Variants in CFAP20DC observed in about 807,000 individuals in gnomAD.
CFAP20DC encodes CFAP20 domain containing, also known as protein CFAP20DC.
Under a neutral mutation model 101.7 loss-of-function variants are expected in CFAP20DC, and 84 were observed. The ratio of observed to expected loss-of-function variants is 0.83; its 90% CI spans 0.69 to 0.99. CFAP20DC has a LOEUF of 0.99. Ranked by LOEUF, CFAP20DC falls within the 50% of genes least tolerant of loss-of-function variation. The pLI, the probability that CFAP20DC is intolerant of heterozygous loss-of-function variation, is 0.00. For missense variants in CFAP20DC, 1,007 were observed against 970.3 expected (o/e 1.04, Z -0.50); for synonymous variants, 359 against 351.2 (o/e 1.02, Z -0.25).
chr3:58,821,365 A>G (rs1389226487), intron 14 of CFAP20DC, among the ~76,000 whole-genome samples: 1 of 152,052 alleles, frequency 6.6e-6, no homozygotes, highest in African/African-American at 2.4e-5. Context: ...GCAACCTACA[A>G]AATGGGAGAA....
chr3:58,923,768 T>C (rs2085649368), intron 5 of CFAP20DC, among the ~76,000 whole-genome samples: 1 of 152,190 alleles, frequency 6.6e-6, no homozygotes, highest in South Asian at 2.1e-4. Context: ...GCTTATTCAA[T>C]CTGTATATTT....
chr3:58,916,580 G>A (rs1386663216), intron 5 of CFAP20DC, among the ~76,000 whole-genome samples: 1 of 152,098 alleles, frequency 6.6e-6, no homozygotes, highest in Non-Finnish European at 1.5e-5. Flanking sequence ...ATGTGTACAT[G>A]CCTACACACA....
intron 13 of CFAP20DC, among the ~76,000 whole-genome samples, chr3:58,836,344 G>C (rs2076735076): frequency 6.6e-6 from 1 of 152,132 alleles, no homozygotes; most frequent in Non-Finnish European, 1.5e-5. Context: ...ACAACAAACA[G>C]AAACAACCTT....
At chr3:59,038,332 T>C (rs572815824) in intron 4 of CFAP20DC, among the ~76,000 whole-genome samples, 78 of 152,148 alleles carry the variant, frequency 5.1e-4, no homozygotes, top group African/African-American at 1.7e-3. Context: ...GAAATATAAG[T>C]GTGGAAAACC....
intron 15 of CFAP20DC, among the ~76,000 whole-genome samples, chr3:58,774,824 TCA>T (rs2071174416): frequency 6.6e-6 from 1 of 152,228 alleles, no homozygotes; most frequent in African/African-American, 2.4e-5. Flanking sequence ...CTCTTAAAAA[TCA>T]CAGTTTTAGC....
chr3:58,834,445 C>CT (rs2076603242), intron 13 of CFAP20DC, among the ~76,000 whole-genome samples: 1 of 152,230 alleles, frequency 6.6e-6, no homozygotes, highest in South Asian at 2.1e-4. Context: ...AAGAAGAAAG[C>CT]TTTAATATGT....
intron 5 of CFAP20DC, among the ~76,000 whole-genome samples, chr3:58,922,438 G>A (rs1013617838): frequency 6.6e-6 from 1 of 152,140 alleles, no homozygotes; most frequent in African/African-American, 2.4e-5. Context: ...GCCTGGTGGG[G>A]GTGTTTGGGT....
intron 5 of CFAP20DC, among the ~76,000 whole-genome samples, chr3:58,924,204 G>A (rs1295036374): frequency 6.6e-6 from 1 of 152,004 alleles, no homozygotes; most frequent in Non-Finnish European, 1.5e-5. Context: ...GCAACCAATA[G>A]GTAATTTTTC....
intron 15 of CFAP20DC, among the ~76,000 whole-genome samples, chr3:58,782,920 G>C (rs1240293645): frequency 1.3e-5 from 2 of 151,836 alleles, no homozygotes; most frequent in South Asian, 2.1e-4. Context: ...CCTAAAGTTT[G>C]TATTCAGCCA....
chr3:58,780,896 A>T (rs952616768), intron 15 of CFAP20DC, among the ~76,000 whole-genome samples: 1 of 152,036 alleles, frequency 6.6e-6, no homozygotes, highest in Non-Finnish European at 1.5e-5. Flanking sequence ...AAATTAATTT[A>T]AAAAACCCAC....
At chr3:58,936,649 T>C (rs2087678388) in intron 5 of CFAP20DC, among the ~76,000 whole-genome samples, 1 of 152,114 alleles carries the variant, frequency 6.6e-6, no homozygotes, top group Non-Finnish European at 1.5e-5. Flanking sequence ...CTGGAAACCA[T>C]CATTCTCAGT....
At chr3:58,946,616 ATGCTACCCTCTGC>A (rs965154205) in intron 4 of CFAP20DC, among the ~76,000 whole-genome samples, 119 of 152,332 alleles carry the variant, frequency 7.8e-4, no homozygotes, top group African/African-American at 2.7e-3. Context: ...ACATTCCTGT[ATGCTACCCTCTGC>A]TCCTGTCAAA....
intron 4 of CFAP20DC, among the ~76,000 whole-genome samples, chr3:58,957,397 T>C (rs1212349557): frequency 6.6e-6 from 1 of 152,174 alleles, no homozygotes; most frequent in Non-Finnish European, 1.5e-5. Context: ...TTGTACACTG[T>C]TGGTGGGAAT....
intron 15 of CFAP20DC, among the ~76,000 whole-genome samples, chr3:58,786,687 G>C (rs1253874592): frequency 2.1e-5 from 3 of 146,154 alleles, no homozygotes; most frequent in Non-Finnish European, 3.0e-5. Flanking sequence ...CAAAGAGCAA[G>C]AATAGTGATG....
chr3:58,808,709 T>C (rs909079814), intron 14 of CFAP20DC, among the ~76,000 whole-genome samples: 3 of 152,112 alleles, frequency 2.0e-5, no homozygotes, highest in African/African-American at 7.2e-5. Context: ...AATTCACACA[T>C]AACTATATTA....
intron 15 of CFAP20DC, among the ~76,000 whole-genome samples, chr3:58,793,624 C>T (rs1217798159): frequency 2.6e-5 from 4 of 152,080 alleles, no homozygotes; most frequent in African/African-American, 7.2e-5. Context: ...ATGTTAGTGG[C>T]CAATGTATAG....
chr3:58,869,599 C>A lies in CFAP20DC; in HGVS notation c.853-109G>T. The A allele has an allele frequency of 2.5e-6, 2 of 791,732 alleles. No individual in the cohort carries two copies. The highest frequency in any genetic ancestry group is 3.3e-5 in the South Asian group (1 of 30,268). The allele number at this position is 791,732 out of a possible 1,614,324, so 49.0% of individuals were successfully genotyped here. A position where few individuals can be genotyped will look rare whatever the true frequency, so the allele number is the denominator to read the frequency against. ...GGACCAATGAAGAGTGAGAAAAAAACTAGAGGAAATGAGGTTAAGATGTGA... is the reference window on the plus strand; with the variant it reads ...GGACCAATGAAGAGTGAGAAAAAAAATAGAGGAAATGAGGTTAAGATGTGA... On this transcript the variant is annotated intron_variant, in intron 8 of 16. Coordinates refer to ENST00000482387, the MANE Select transcript of CFAP20DC (RefSeq NM_001394063.1). The surrounding 1 kb of genome is among the most constrained non-coding windows in gnomAD (Gnocchi z 4.3).
At chr3:58,761,048 A>T (rs1030086683) in intron 15 of CFAP20DC, among the ~76,000 whole-genome samples, 1 of 152,238 alleles carries the variant, frequency 6.6e-6, no homozygotes, top group African/African-American at 2.4e-5. Context: ...TGCTGGCCTC[A>T]TAAAATGAGT....
intron 15 of CFAP20DC, among the ~76,000 whole-genome samples, chr3:58,759,186 C>A (rs1391053196): frequency 6.6e-6 from 1 of 152,022 alleles, no homozygotes; most frequent in Non-Finnish European, 1.5e-5. Context: ...TCTCCACATC[C>A]TCTCCAGCAC....
Sources: gnomAD v4.1 joint callset for allele counts (sites outside exome capture counted in the v4.1 genomes callset) on GRCh38, gnomAD v4.1.1 for gene constraint, Gnocchi (gnomAD v3.1) non-coding constraint, MANE v1.5 for transcripts, NCBI Gene and HGNC (gene_info 2026-07-23, HGNC 2026-07-21) for gene names.